Variants in SSBP3 observed in about 807,000 individuals in gnomAD.
SSBP3 encodes the protein single stranded DNA binding protein 3.
SSBP3 carries 5 observed loss-of-function variants against 69.6 expected under a neutral mutation model. The observed-to-expected ratio is 0.07, with a 90% CI of 0.04 to 0.15. The LOEUF (loss-of-function observed/expected upper bound fraction) is 0.15. Among genes scored for constraint, SSBP3 ranks in the 10% least tolerant of loss-of-function variants. The pLI, the probability that SSBP3 is intolerant of heterozygous loss-of-function variation, is 1.00. For missense variants in SSBP3, 312 were observed against 534.0 expected (o/e 0.58, Z 4.10); for synonymous variants, 196 against 193.4 (o/e 1.01, Z -0.11).
intron 4 of SSBP3, among the ~76,000 whole-genome samples, chr1:54,367,706 C>A (rs1433859882): frequency 1.3e-5 from 2 of 152,184 alleles, no homozygotes; most frequent in African/African-American, 4.8e-5. Context: ...AGGAGCAACA[C>A]TAGGAAGTAA....
At chr1:54,377,221 A>C in intron 4 of SSBP3, among the ~76,000 whole-genome samples, 1 of 151,920 alleles carries the variant, frequency 6.6e-6, no homozygotes. Context: ...TGGTTTCCCC[A>C]CTCCAAAACC....
chr1:54,406,946 G>T (rs1290642618), upstream of SSBP3, among the ~76,000 whole-genome samples: 1 of 150,994 alleles, frequency 6.6e-6, no homozygotes, highest in Non-Finnish European at 1.5e-5. Flanking sequence ...CCAGACTCCA[G>T]CCCGGCCCCC....
At chr1:54,407,548 C>CT (rs542028543), upstream of SSBP3, among the ~76,000 whole-genome samples, 48 of 152,180 alleles carry the variant, frequency 3.2e-4, no homozygotes, top group Middle Eastern at 3.4e-3. Context: ...ATTAGGGACT[C>CT]TTAAGACCAG....
At chr1:54,248,938 A>G (rs1210637153) in intron 9 of SSBP3, among the ~76,000 whole-genome samples, 1 of 152,066 alleles carries the variant, frequency 6.6e-6, no homozygotes, top group Non-Finnish European at 1.5e-5. Flanking sequence ...TGTAACATAA[A>G]TAAAGACGGG....
chr1:54,282,072 A>AATAATAATAATT (rs1553130849), intron 4 of SSBP3, among the ~76,000 whole-genome samples: 1 of 150,222 alleles, frequency 6.7e-6, no homozygotes, highest in African/African-American at 2.5e-5. Context: ...TAATAATAAT[A>AATAATAATAATT]AAAAAATGGG....
chr1:54,253,912 A>G (rs986309791), intron 7 of SSBP3, among the ~76,000 whole-genome samples: 1 of 152,150 alleles, frequency 6.6e-6, no homozygotes, highest in Non-Finnish European at 1.5e-5. Context: ...TAACCCTCCT[A>G]TGTGTCGGAA....
At chr1:54,240,101 TGTGC>T (rs1173521729) in intron 13 of SSBP3, among the ~76,000 whole-genome samples, 695 of 7,058 alleles carry the variant, frequency 0.098, 4 homozygotes, top group Non-Finnish European at 0.1. Context: ...CGCGCGCGCG[TGTGC>T]GTGCGCGCGC....
At chr1:54,403,110 C>A (rs1649423669) in intron 3 of SSBP3, among the ~76,000 whole-genome samples, 1 of 152,202 alleles carries the variant, frequency 6.6e-6, no homozygotes, top group Admixed American at 6.5e-5. Context: ...TGTCAAATCG[C>A]ACAAACCAAC....
intron 4 of SSBP3, among the ~76,000 whole-genome samples, chr1:54,368,479 G>GAA (rs111748121): frequency 1.7e-4 from 25 of 142,940 alleles, no homozygotes; most frequent in African/African-American, 5.3e-4. Flanking sequence ...CACATTTAGG[G>GAA]AAAAAAAAAA....
At chr1:54,402,328 G>A (rs1649367630) in intron 3 of SSBP3, among the ~76,000 whole-genome samples, 2 of 152,154 alleles carry the variant, frequency 1.3e-5, no homozygotes, top group Admixed American at 6.5e-5. Context: ...AAATGTGGAC[G>A]AGAATCCATA....
At chr1:54,290,209 G>A (rs1477826089) in intron 4 of SSBP3, among the ~76,000 whole-genome samples, 2 of 152,134 alleles carry the variant, frequency 1.3e-5, no homozygotes, top group African/African-American at 4.8e-5. Context: ...TTCACCAGGG[G>A]CCAAGTCCTC....
At chr1:54,369,911 T>C (rs764147239) in intron 4 of SSBP3, among the ~76,000 whole-genome samples, 3 of 152,162 alleles carry the variant, frequency 2.0e-5, no homozygotes, top group Non-Finnish European at 2.9e-5. Flanking sequence ...GGGATCCCCA[T>C]GTCCCATGAA....
chr1:54,408,191 T>C (rs1649900833), upstream of SSBP3, among the ~76,000 whole-genome samples: 1 of 152,194 alleles, frequency 6.6e-6, no homozygotes, highest in Admixed American at 6.5e-5. Flanking sequence ...ACCTAGTTTA[T>C]GGGCGTCTGT....
At chr1:54,371,327 A>C (rs1247098229) in intron 4 of SSBP3, among the ~76,000 whole-genome samples, 1 of 152,242 alleles carries the variant, frequency 6.6e-6, no homozygotes, top group Non-Finnish European at 1.5e-5. Context: ...CATGAGCTCA[A>C]GCGCCCAAGT....
chr1:54,228,589 G>C (rs781506629), intron 15 of SSBP3, 112 bp from the exon 16 acceptor site: 122 of 1,515,030 alleles, frequency 8.1e-5, no homozygotes, highest in Non-Finnish European at 1.1e-4. Context: ...GTCCCACACT[G>C]TGCGGAGGGC....
At chr1:54,393,590 G>C (rs773039574) in intron 4 of SSBP3, among the ~76,000 whole-genome samples, 2 of 152,028 alleles carry the variant, frequency 1.3e-5, no homozygotes, top group Non-Finnish European at 2.9e-5. Flanking sequence ...AGAAATTCAA[G>C]ACCAGCCTAG....
chr1:54,281,646 G>T, intron 4 of SSBP3, 119 bp from the exon 5 acceptor site: 2 of 922,440 alleles, frequency 2.2e-6, no homozygotes, highest in Non-Finnish European at 3.5e-6. Flanking sequence ...TTCCTCACAG[G>T]CCACTTTCTA....
At chr1:54,254,885 T>C (rs942664107) in intron 7 of SSBP3, among the ~76,000 whole-genome samples, 1 of 152,012 alleles carries the variant, frequency 6.6e-6, no homozygotes, top group Admixed American at 6.6e-5. Context: ...CAAGCTGGAG[T>C]GCAATGGCGC....
chr1:54,354,841 T>C (rs1404100327), intron 4 of SSBP3, among the ~76,000 whole-genome samples: 2 of 151,506 alleles, frequency 1.3e-5, no homozygotes, highest in Non-Finnish European at 2.9e-5. Context: ...TAGGGAGGAG[T>C]GGACTTCAGA....
Sources: gnomAD v4.1 joint callset for allele counts (sites outside exome capture counted in the v4.1 genomes callset) on GRCh38, gnomAD v4.1.1 for gene constraint, MANE v1.5 for transcripts, NCBI Gene and HGNC (gene_info 2026-07-23, HGNC 2026-07-21) for gene names.